The following SPOCK3 variants were observed in gnomAD, a reference collection of about 807,000 sequenced individuals.
SPOCK3 encodes testican-3.
SPOCK3 carries 30 observed loss-of-function variants against 56.6 expected under a neutral mutation model. The ratio of observed to expected loss-of-function variants is 0.53; its 90% CI spans 0.40 to 0.72. The LOEUF (loss-of-function observed/expected upper bound fraction) is 0.72. SPOCK3 is among the 30% of genes least tolerant of loss of function. SPOCK3 has a pLI of 0.00. For missense variants in SPOCK3, 527 were observed against 530.0 expected (o/e 0.99, Z 0.06); for synonymous variants, 196 against 183.3 (o/e 1.07, Z -0.56).
At chr4:166,856,835 T>A (rs1353290340) in intron 6 of SPOCK3, among the ~76,000 whole-genome samples, 1 of 142,230 alleles carries the variant, frequency 7.0e-6, no homozygotes, top group Non-Finnish European at 1.6e-5. Flanking sequence ...TAGATATCTC[T>A]CTATATATAG....
At chr4:166,744,268 G>A (rs1296711319) in intron 8 of SPOCK3, among the ~76,000 whole-genome samples, 1 of 152,116 alleles carries the variant, frequency 6.6e-6, no homozygotes, top group African/African-American at 2.4e-5. Flanking sequence ...CCAGAGGAAG[G>A]ATCAGGCAGC....
At chr4:166,806,839 A>T (rs1180695265) in intron 6 of SPOCK3, among the ~76,000 whole-genome samples, 1 of 152,086 alleles carries the variant, frequency 6.6e-6, no homozygotes, top group Non-Finnish European at 1.5e-5. Flanking sequence ...CAAGACCCTT[A>T]GTAGATACTT....
chr4:166,779,436 A>G (rs1739925999), intron 7 of SPOCK3, among the ~76,000 whole-genome samples: 1 of 152,192 alleles, frequency 6.6e-6, no homozygotes, highest in African/African-American at 2.4e-5. Flanking sequence ...AGAAACTAAC[A>G]GTAGAGAAAT....
intron 8 of SPOCK3, among the ~76,000 whole-genome samples, chr4:166,748,436 T>G (rs1158060390): frequency 7.3e-6 from 1 of 136,760 alleles, no homozygotes; most frequent in East Asian, 1.9e-4. Context: ...TAGCCATATG[T>G]ACAAAGCTGA....
In SPOCK3 at chr4:166,789,290, G is replaced by A. The variant is rs575732649; in HGVS notation, c.709+2880C>T. The stretch of plus-strand genomic sequence containing the variant: ...ACTAAAAATACAAAATAACCCGGGC[G>A]TGGTGATGCATGCCTGTAATCCCAG... On this transcript the variant is annotated intron_variant, in intron 7 of 10. Coordinates refer to ENST00000357545, the MANE Select transcript of SPOCK3 (RefSeq NM_001040159.2). Among the ~76,000 whole-genome samples the A allele has an allele frequency of 1.2e-3, 176 of 152,028 alleles. 4 individuals are homozygous for A. Among genetic ancestry groups the A allele is most frequent in the South Asian group, 9.1e-3 (44 of 4,812 alleles).
At chr4:166,972,545 G>A (rs577872419) in intron 4 of SPOCK3, among the ~76,000 whole-genome samples, 19 of 152,186 alleles carry the variant, frequency 1.2e-4, no homozygotes, top group Non-Finnish European at 1.8e-4. Context: ...TTTTCACATC[G>A]ATAGCTCTTA....
chr4:166,739,223 A>T (rs549538841), intron 9 of SPOCK3, among the ~76,000 whole-genome samples: 25 of 152,146 alleles, frequency 1.6e-4, no homozygotes, highest in African/African-American at 5.3e-4. Flanking sequence ...ATGGCCAGTG[A>T]TGGTGAGCAT....
intron 2 of SPOCK3, among the ~76,000 whole-genome samples, chr4:167,108,615 A>T (rs1368847024): frequency 2.6e-5 from 4 of 151,678 alleles, no homozygotes; most frequent in African/African-American, 9.7e-5. Flanking sequence ...AAAACAATTG[A>T]ACTATGGAAA....
At chr4:167,203,859 T>G (rs1439847132) in intron 2 of SPOCK3, among the ~76,000 whole-genome samples, 4 of 152,146 alleles carry the variant, frequency 2.6e-5, no homozygotes, top group Non-Finnish European at 4.4e-5. Context: ...TACTTGCAGC[T>G]GGAAATATTC....
intron 2 of SPOCK3, among the ~76,000 whole-genome samples, chr4:167,213,875 C>A (rs1237218726): frequency 6.6e-6 from 1 of 152,034 alleles, no homozygotes; most frequent in African/African-American, 2.4e-5. Context: ...AAATTGTAAA[C>A]GTCAAGGTGG....
chr4:167,204,774 G>T (rs961776127), intron 2 of SPOCK3, among the ~76,000 whole-genome samples: 3 of 151,494 alleles, frequency 2.0e-5, no homozygotes, highest in Admixed American at 6.6e-5. Flanking sequence ...TTTTCGGGGT[G>T]GGGGGCGACG....
intron 6 of SPOCK3, among the ~76,000 whole-genome samples, chr4:166,847,668 T>TATATATATATATATATATAC (rs1748234538): frequency 9.6e-6 from 1 of 103,960 alleles, no homozygotes; most frequent in African/African-American, 5.1e-5. Flanking sequence ...TATATATATA[T>TATATATATATATATATATAC]ATATATATAT....
intron 6 of SPOCK3, among the ~76,000 whole-genome samples, chr4:166,888,402 G>A (rs969447028): frequency 6.6e-6 from 1 of 152,010 alleles, no homozygotes; most frequent in Non-Finnish European, 1.5e-5. Flanking sequence ...TTTGACTTAA[G>A]CATCTATTCT....
chr4:166,798,131 GATC>G (rs2126677489), intron 6 of SPOCK3, among the ~76,000 whole-genome samples: 2 of 152,196 alleles, frequency 1.3e-5, no homozygotes, highest in South Asian at 4.1e-4. Context: ...TATAATACCT[GATC>G]ATTATAATAA....
At chr4:166,931,774 C>A (rs1398843892) in intron 4 of SPOCK3, among the ~76,000 whole-genome samples, 4 of 152,150 alleles carry the variant, frequency 2.6e-5, no homozygotes, top group Admixed American at 6.5e-5. Context: ...AGGACAGGGA[C>A]ATAGTTAAAT....
intron 2 of SPOCK3, among the ~76,000 whole-genome samples, chr4:167,214,424 G>C (rs147429394): frequency 6.6e-6 from 1 of 151,876 alleles, no homozygotes; most frequent in Non-Finnish European, 1.5e-5. Flanking sequence ...ACAGTTTAGC[G>C]AGAAATTATG....
At chr4:166,835,789 C>T (rs764315815) in intron 6 of SPOCK3, among the ~76,000 whole-genome samples, 31 of 152,078 alleles carry the variant, frequency 2.0e-4, no homozygotes, top group Non-Finnish European at 3.5e-4. Context: ...CACCTGAGAT[C>T]GGGAGTTCGA....
intron 4 of SPOCK3, among the ~76,000 whole-genome samples, chr4:166,993,917 A>T (rs1748078044): frequency 6.6e-6 from 1 of 152,192 alleles, no homozygotes; most frequent in Non-Finnish European, 1.5e-5. Flanking sequence ...AAACAGAGGG[A>T]GATACATAGT....
intron 6 of SPOCK3, among the ~76,000 whole-genome samples, chr4:166,856,980 C>A (rs1730754016): frequency 6.6e-6 from 1 of 151,994 alleles, no homozygotes; most frequent in Non-Finnish European, 1.5e-5. Context: ...TCTACAAAGC[C>A]ATGCCTGGAT....
Sources: allele counts gnomAD v4.1 joint callset (sites outside exome capture counted in the v4.1 genomes callset), GRCh38; gene constraint gnomAD v4.1.1; transcripts MANE v1.5; gene names NCBI Gene and HGNC (gene_info 2026-07-23, HGNC 2026-07-21).